The following SRRT variants were observed in gnomAD, a reference collection of about 807,000 sequenced individuals.
SRRT encodes the protein serrate, RNA effector molecule, also known as serrate RNA effector molecule homolog.
A neutral mutation model predicts 103.2 loss-of-function variants in SRRT; 32 were observed. The observed-to-expected ratio is 0.31, with a 90% confidence interval of 0.23 to 0.42. SRRT has a LOEUF of 0.42. SRRT is among the 10% of genes least tolerant of loss of function. The pLI, the probability that SRRT is intolerant of heterozygous loss-of-function variation, is 1.00. For missense variants in SRRT, 986 were observed against 1,207.5 expected (o/e 0.82, Z 2.72); for synonymous variants, 525 against 449.0 (o/e 1.17, Z -2.14).
In SRRT at chr7:100,888,331, A is replaced by T; in HGVS notation, c.2503A>T (p.Asn835Tyr). 6.2e-7 allele frequency: 1 copy of T among 1,614,060 alleles called. No individual in the cohort carries two copies. Among genetic ancestry groups the T allele is most frequent in the South Asian group, 1.1e-5 (1 of 91,076 alleles). ...PHAPYGAGRG[N>Y]YDAFRGQGGY... The stretch of plus-strand genomic sequence containing the variant: ...TGCCCCGTATGGTGCTGGTCGAGGG[A>T]ACTATGATGCCTTCCGAGGCCAGGG... The change falls in exon 19 of 20, where the codon AAC becomes TAC. Residue 835 changes from asparagine (N) to tyrosine (Y), a missense_variant. This residue lies in a region of SRRT where 178 missense variants were observed against 189.6 expected (regional missense o/e 0.94). Transcript: ENST00000611405.
At chr7:100,883,790 C>T (rs1789797946) in intron 5 of SRRT, among the ~76,000 whole-genome samples, 1 of 152,148 alleles carries the variant, frequency 6.6e-6, no homozygotes, top group Admixed American at 6.5e-5. Context: ...GTAAATCTGC[C>T]TCTCCTACCC....
chr7:100,888,179 T>A (rs1308422697), intron 18 of SRRT, 36 bp downstream of exon 18: 1 of 1,600,010 alleles, frequency 6.2e-7, no homozygotes, highest in Non-Finnish European at 8.5e-7. Flanking sequence ...GCTTGGTGAG[T>A]GTGTGGCTTT....
chr7:100,888,202 C>CAA, intron 18 of SRRT, 55 bp from the exon 19 acceptor site: 1 of 1,599,570 alleles, frequency 6.3e-7, no homozygotes, highest in Non-Finnish European at 8.5e-7. Context: ...GAGAAGAAAA[C>CAA]AGAGGATGGA....
At position 100,882,484 on chromosome 7, in the gene SRRT, C is replaced by A; in HGVS notation, c.587+243C>A. On this transcript the variant is annotated intron_variant, in intron 5 of 19. Coordinates refer to ENST00000611405, the MANE Select transcript of SRRT (RefSeq NM_015908.6). This position sits in a 1 kb window ranked among gnomAD's most constrained non-coding sequence, Gnocchi z 4.2. ...GAGTGGGACACCTCCAGGCAGCAGG[C>A]CAGAGCCACTTGGCCCCTTGGGGCA... 2.3e-6 allele frequency: 1 copy of A among 442,406 alleles called. No individual in the cohort carries two copies. The highest frequency in any genetic ancestry group is 2.9e-5 in the South Asian group (1 of 34,288). 27.4% of individuals were successfully genotyped at this position (442,406 alleles called of 1,614,324 possible).
At position 100,881,688 on chromosome 7, in the gene SRRT, G is replaced by A; in HGVS notation, c.281G>A (p.Ser94Asn). The change falls in exon 4 of 20, where the codon AGT becomes AAT. Residue 94 changes from serine to asparagine, a missense_variant. Ser to Asn is a conservative substitution (Grantham distance 46, BLOSUM62 1). Coordinates refer to ENST00000611405, the MANE Select transcript of SRRT (RefSeq NM_015908.6). ...WDEHSSDPYH[S>N]GYEMPYAGGG... The stretch of plus-strand genomic sequence containing the variant: ...GAGCACAGCTCTGACCCATACCACA[G>A]TGGCTATGAGATGCCCTATGCTGGG... 1 of 1,614,052 alleles carries A rather than the reference G, an allele frequency of 6.2e-7. No homozygotes were observed.
Position 100,888,289 on chromosome 7 carries a change from G to A in SRRT, c.2461G>A (p.Gly821Ser). The A allele has an allele frequency of 6.2e-7, 1 of 1,612,822 alleles. No individual in the cohort carries two copies. The highest frequency in any genetic ancestry group is 1.1e-5 in the South Asian group (1 of 91,054). The change falls in exon 19 of 20, where the codon GGC (glycine) becomes AGC (serine). Residue 821 changes from glycine (G) to serine (S), a missense_variant. Physicochemically the swap from Gly to Ser is moderately conservative, Grantham distance 56. This residue lies in a region of SRRT where 178 missense variants were observed against 189.6 expected (regional missense o/e 0.94). Transcript: ENST00000611405. ...TGTCCGCCCTGCAGTCCCCACAGGA[G>A]GCCCTCCATACCCCCATGCCCCGTA... ...GAVRPAVPTG[G>S]PPYPHAPYGA...
In SRRT at chr7:100,887,906, C is replaced by T. The variant is rs372186432; in HGVS notation, c.2326+47C>T. 733 of 1,572,888 alleles carry T rather than the reference C, an allele frequency of 4.7e-4. 3 individuals carry two copies. Among genetic ancestry groups the T allele is most frequent in the Admixed American group, 2.7e-4 (15 of 55,170 alleles). On this transcript the variant is annotated intron_variant, in intron 17 of 19. Transcript: ENST00000611405. This position sits in a 1 kb window ranked among gnomAD's most constrained non-coding sequence, Gnocchi z 4.1. ...TCGCATGTGCCCTCTTCCTTGACTA[C>T]CCAGGGACTCCTGTTTCTCTTTAAC...
At chr7:100,879,810 CAAAAAAAAA>C (rs558063196) in intron 2 of SRRT, among the ~76,000 whole-genome samples, 2 of 108,824 alleles carry the variant, frequency 1.8e-5, no homozygotes, top group African/African-American at 7.8e-5. Context: ...AGACTGTCTC[CAAAAAAAAA>C]AAAAAAAGAA....
At position 100,885,197 on chromosome 7, in the gene SRRT, C is replaced by G. The variant is rs758627780; in HGVS notation, c.1160-16C>G. 1 of 1,611,060 alleles carries G rather than the reference C, an allele frequency of 6.2e-7. No homozygotes were observed. Among genetic ancestry groups the G allele is most frequent in the African/African-American group, 1.3e-5 (1 of 74,762 alleles). ...TAAAAATGCACCAACTCCTTCCTAC[C>G]CCCCTTCCTGCCTAGAAGAAGCGCT... On this transcript the variant is annotated splice_polypyrimidine_tract_variant and intron_variant, in intron 9 of 19. Transcript: ENST00000611405. This position sits in a 1 kb window ranked among gnomAD's most constrained non-coding sequence, Gnocchi z 4.8.
At chr7:100,876,367 G>A (rs1039916054) in intron 2 of SRRT, among the ~76,000 whole-genome samples, 5 of 152,126 alleles carry the variant, frequency 3.3e-5, no homozygotes, top group African/African-American at 1.2e-4. Flanking sequence ...GGCTAGGCTG[G>A]TTTGGAACTC....
At chr7:100,884,880 G>T (rs763506494) in intron 8 of SRRT, 42 bp downstream of exon 8, 1 of 1,613,782 alleles carries the variant, frequency 6.2e-7, no homozygotes, top group African/African-American at 1.3e-5. Context: ...TGGGGCTGGG[G>T]TTCTGGCACG....
At position 100,881,605 on chromosome 7, in the gene SRRT, G is replaced by T; in HGVS notation, c.252-54G>T. 1.9e-6 allele frequency: 3 copies of T among 1,609,988 alleles called. No homozygotes were observed. In the South Asian group the frequency reaches 3.3e-5, roughly 18 times the overall value. ...GTACCCCCGTCTGTCCATCCTCCAT[G>T]CTCTGGGGAGGTGACTCCCTTCTCT... is the stretch of plus-strand genomic sequence containing the variant. On this transcript the variant is annotated intron_variant, in intron 3 of 19. Coordinates refer to ENST00000611405, the MANE Select transcript of SRRT (RefSeq NM_015908.6).
rs1584754508 is a variant in SRRT, at chr7:100,885,911, A to G, written c.1428A>G (p.Lys476=). 6.8e-6 allele frequency: 11 copies of G among 1,614,118 alleles called. No homozygotes were observed. The highest frequency in any genetic ancestry group is 9.3e-6 in the Non-Finnish European group (11 of 1,180,032). ...WVTFDRSVNI[K]EICWNLQNIR... is the part of the protein sequence containing the mutation. ...CCTTCGACCGCAGTGTTAACATTAAAGAGATCTGTTGGAACCTGCAGAACA... is the reference window on the plus strand; with the variant it reads ...CCTTCGACCGCAGTGTTAACATTAAGGAGATCTGTTGGAACCTGCAGAACA... The change falls in exon 12 of 20, where the codon AAA becomes AAG. Residue 476 remains lysine (K), a synonymous_variant. Transcript: ENST00000611405. The surrounding 1 kb of genome is among the most constrained non-coding windows in gnomAD (Gnocchi z 4.8).
chr7:100,887,529 G>A lies in SRRT; in HGVS notation c.2169+16G>A. 6.2e-7 allele frequency: 1 copy of A among 1,611,900 alleles called. No homozygotes were observed. The highest frequency in any genetic ancestry group is 8.5e-7 in the Non-Finnish European group (1 of 1,178,572). The stretch of plus-strand genomic sequence containing the variant: ...GAAATTCAAGGTGTGGGATGTTGGA[G>A]AATGGCCGTGCTACGGTGGTGGGAG... On this transcript the variant is annotated intron_variant, in intron 16 of 19. Coordinates refer to ENST00000611405, the MANE Select transcript of SRRT (RefSeq NM_015908.6). This position sits in a 1 kb window ranked among gnomAD's most constrained non-coding sequence, Gnocchi z 4.1.
intron 13 of SRRT, 78 bp downstream of exon 13, chr7:100,886,513 T>G: frequency 7.0e-7 from 1 of 1,436,114 alleles, no homozygotes; most frequent in South Asian, 1.3e-5. Context: ...CTTACCTATC[T>G]GTAGCCTTGA....
At chr7:100,879,540 C>T (rs1311411494) in intron 2 of SRRT, among the ~76,000 whole-genome samples, 2 of 152,064 alleles carry the variant, frequency 1.3e-5, no homozygotes, top group Non-Finnish European at 2.9e-5. Context: ...TTCTGGAAAA[C>T]GATTTTTCAT....
At chr7:100,875,798 T>G in intron 2 of SRRT, 86 bp downstream of exon 2, 1 of 1,548,154 alleles carries the variant, frequency 6.5e-7, no homozygotes, top group Non-Finnish European at 8.9e-7. Context: ...CTTGTAATTT[T>G]TATGAGGGCG....
chr7:100,885,376 T>C lies in SRRT; in HGVS notation c.1317+6T>C. On this transcript the variant is annotated splice_donor_region_variant and intron_variant, in intron 10 of 19. Transcript: ENST00000611405. The surrounding 1 kb of genome is among the most constrained non-coding windows in gnomAD (Gnocchi z 4.8). ...CCCGGGCCGAGATCATCTCCGTGAGTGGGGACCCGTGGAGTCAGGGCAGGG... is the reference window on the plus strand; with the variant it reads ...CCCGGGCCGAGATCATCTCCGTGAGCGGGGACCCGTGGAGTCAGGGCAGGG... The C allele has an allele frequency of 6.2e-7, 1 of 1,611,486 alleles. No homozygotes were observed. Among genetic ancestry groups the C allele is most frequent in the East Asian group, 2.2e-5 (1 of 44,814 alleles).
Position 100,885,633 on chromosome 7 carries a change from TG to T in SRRT, c.1318-63del, listed in dbSNP as rs1431874445. On this transcript the variant is annotated intron_variant, in intron 10 of 19. Coordinates refer to ENST00000611405, the MANE Select transcript of SRRT (RefSeq NM_015908.6). The surrounding 1 kb of genome is among the most constrained non-coding windows in gnomAD (Gnocchi z 4.8). ...TTAGTCCCTAGGGTTCTGAGGGCAGTGGGGGATTGGAGGAAGAAGCGAATGA... is the reference window on the plus strand; with the variant it reads ...TTAGTCCCTAGGGTTCTGAGGGCAGTGGGGATTGGAGGAAGAAGCGAATGA... The T allele has an allele frequency of 1.1e-5, 17 of 1,495,856 alleles. No homozygotes were observed. Among genetic ancestry groups the T allele is most frequent in the Non-Finnish European group, 2.7e-6 (3 of 1,093,890 alleles). The allele number at this position is 1,495,856 out of a possible 1,614,324, so 92.7% of individuals were successfully genotyped here. A position where few individuals can be genotyped will look rare whatever the true frequency, so the allele number is the denominator to read the frequency against.
Sources: gnomAD v4.1 joint callset for allele counts (sites outside exome capture counted in the v4.1 genomes callset) on GRCh38, gnomAD v4.1.1 for gene constraint, gnomAD v4.1.1 regional missense constraint, Gnocchi (gnomAD v3.1) non-coding constraint, MANE v1.5 for transcripts, NCBI Gene and HGNC (gene_info 2026-07-23, HGNC 2026-07-21) for gene names.